The following GAD1 variants were observed in gnomAD, a reference collection of about 807,000 sequenced individuals.
GAD1 encodes the protein 67 kDa glutamic acid decarboxylase.
In GAD1, 35 loss-of-function variants were observed where a neutral mutation model predicts 75.2. That is an observed-to-expected ratio of 0.47 (90% CI 0.36 to 0.62). The LOEUF (loss-of-function observed/expected upper bound fraction) is 0.62, where lower values mean the gene tolerates loss of function less well. Ranked by LOEUF, GAD1 falls within the 20% of genes least tolerant of loss-of-function variation. GAD1 has a pLI of 0.00. For missense variants in GAD1, 490 were observed against 758.5 expected (o/e 0.65, Z 4.16); for synonymous variants, 257 against 271.9 (o/e 0.95, Z 0.54).
At chr2:170,844,261 AC>A (rs1702583715) in intron 7 of GAD1, 104 bp downstream of exon 7, 6 of 737,596 alleles carry the variant, frequency 8.1e-6, no homozygotes, top group Admixed American at 6.1e-5. Flanking sequence ...TTTTTTGGAT[AC>A]CCTGACTTCC....
chr2:170,829,457 C>A lies in GAD1; in HGVS notation c.146-18C>A. 1 of 1,612,314 alleles carries A rather than the reference C, an allele frequency of 6.2e-7. No homozygotes were observed. Among genetic ancestry groups the A allele is most frequent in the South Asian group, 1.1e-5 (1 of 91,002 alleles). ...GGCAGTTTGCAGCACTCTCTCTGAC[C>A]AGCTTCTTGTGCCATAGGCTTCTTG... On this transcript the variant is annotated intron_variant, in intron 3 of 16. Coordinates refer to ENST00000358196, the MANE Select transcript of GAD1 (RefSeq NM_000817.3).
At position 170,853,460 on chromosome 2, in the gene GAD1, C is replaced by A; in HGVS notation, c.1264-413C>A. The A allele has an allele frequency of 3.9e-6, 1 of 257,090 alleles. No individual in the cohort carries two copies. Among genetic ancestry groups the A allele is most frequent in the Non-Finnish European group, 7.7e-6 (1 of 130,172 alleles). 15.9% of individuals were successfully genotyped at this position (257,090 alleles called of 1,614,324 possible). A position where few individuals can be genotyped will look rare whatever the true frequency, so the allele number is the denominator to read the frequency against. Reference sequence around the variant, plus strand: ...ATCCATGTTAATGTCATAGGAGGTCCTGGAAAGGTTGGAAGACTTTTGCCA... The same window carrying A: ...ATCCATGTTAATGTCATAGGAGGTCATGGAAAGGTTGGAAGACTTTTGCCA... On this transcript the variant is annotated intron_variant, in intron 13 of 16. Transcript: ENST00000358196. This position sits in a 1 kb window ranked among gnomAD's most constrained non-coding sequence, Gnocchi z 4.1.
Position 170,860,095 on chromosome 2 carries a change from T to C in GAD1, c.*213T>C, listed in dbSNP as rs1702932013. ...AAAGTTGCACATTAGGAACAGAGTA[T>C]ATATGTACAGTTATACATACCTCTC... is the stretch of plus-strand genomic sequence containing the variant. On this transcript the variant is annotated 3_prime_UTR_variant, in exon 17 of 17. Coordinates refer to ENST00000358196, the MANE Select transcript of GAD1 (RefSeq NM_000817.3). 1 of 577,250 alleles carries C rather than the reference T, an allele frequency of 1.7e-6. No homozygotes were observed. The highest frequency in any genetic ancestry group is 3.1e-6 in the Non-Finnish European group (1 of 322,030). 35.8% of individuals were successfully genotyped at this position (577,250 alleles called of 1,614,324 possible).
In GAD1 at chr2:170,844,084, A is replaced by G; in HGVS notation, c.678A>G (p.Glu226=). Residue 226 remains glutamate (E), a synonymous_variant, in exon 7 of 17, where the codon GAA becomes GAG. Transcript: ENST00000358196. The part of the protein sequence containing the change: ...YEIAPVFVLM[E]QITLKKMREI... ...TTGCACCAGTGTTTGTCCTCATGGA[A>G]CAAATAACACTTAAGAAGATGAGAG... The G allele has an allele frequency of 6.2e-7, 1 of 1,610,790 alleles. No individual in the cohort carries two copies. The highest frequency in any genetic ancestry group is 8.5e-7 in the Non-Finnish European group (1 of 1,176,988).
chr2:170,845,254 C>T (rs16858977), intron 7 of GAD1: 10 of 547,762 alleles, frequency 1.8e-5, no homozygotes, highest in East Asian at 9.8e-5. Context: ...AGGTGGAAAG[C>T]GCACTGAAGT....
At position 170,830,591 on chromosome 2, in the gene GAD1, A is replaced by G. The variant is rs576130885; in HGVS notation, c.305-359A>G. The stretch of plus-strand genomic sequence containing the variant: ...CATCACAACACCAAACCAGATAGAC[A>G]GGGACACACCTGGTCCCAGGGGAGC... On this transcript the variant is annotated intron_variant, in intron 4 of 16. Coordinates refer to ENST00000358196, the MANE Select transcript of GAD1 (RefSeq NM_000817.3). Among the ~76,000 whole-genome samples the G allele has an allele frequency of 2.8e-4, 43 of 152,336 alleles. 1 individual carries two copies. The South Asian group carries it at 8.7e-3, about 31-fold the overall frequency.
In GAD1 at chr2:170,819,479, A is replaced by G. The variant is rs143145030; in HGVS notation, c.82+806A>G. On this transcript the variant is annotated intron_variant, in intron 2 of 16. Coordinates refer to ENST00000358196, the MANE Select transcript of GAD1 (RefSeq NM_000817.3). ...GAGAAAGAAAAGAGACACCAGATAA[A>G]AGAGGGGGGAGGATTTATGCTTCCC... 5.9e-5 allele frequency among the ~76,000 whole-genome samples: 9 copies of G among 152,106 alleles called. No homozygotes were observed. The East Asian group carries it at 1.7e-3, about 29-fold the overall frequency.
chr2:170,858,721 C>G, intron 15 of GAD1, 83 bp from the exon 16 acceptor site: 2 of 1,209,074 alleles, frequency 1.7e-6, no homozygotes, highest in Non-Finnish European at 1.2e-6. Context: ...AAGAGACTTC[C>G]ACCAAGGATG....
intron 11 of GAD1, 96 bp from the exon 12 acceptor site, chr2:170,849,190 T>G: frequency 9.3e-7 from 1 of 1,070,036 alleles, no homozygotes; most frequent in Non-Finnish European, 1.4e-6. Flanking sequence ...CACCTTGTAC[T>G]TTCTTGCTCA....
chr2:170,829,303 C>G (rs1309828911), intron 3 of GAD1, 172 bp from the exon 4 acceptor site: 6 of 713,994 alleles, frequency 8.4e-6, no homozygotes, highest in Non-Finnish European at 1.4e-5. Context: ...CACTGCCCCC[C>G]TCCCTGCCTG....
At chr2:170,836,103 T>C (rs1702364299) in intron 5 of GAD1, among the ~76,000 whole-genome samples, 1 of 151,374 alleles carries the variant, frequency 6.6e-6, no homozygotes, top group South Asian at 2.1e-4. Flanking sequence ...CCGTTTTTGG[T>C]TGTTTTTCTT....
chr2:170,846,088 ACT>A, intron 10 of GAD1, 25 bp downstream of exon 10: 1 of 1,595,728 alleles, frequency 6.3e-7, no homozygotes, highest in East Asian at 2.2e-5. Context: ...GTGCATCTGA[ACT>A]CCAGTTTTAA....
chr2:170,822,844 A>G (rs890450091), intron 3 of GAD1, among the ~76,000 whole-genome samples: 10 of 152,168 alleles, frequency 6.6e-5, no homozygotes, highest in African/African-American at 2.4e-4. Flanking sequence ...CGAGGAGGGA[A>G]GGGAAAGGGG....
chr2:170,830,477 G>A (rs45535131), intron 4 of GAD1, among the ~76,000 whole-genome samples: 17 of 152,194 alleles, frequency 1.1e-4, no homozygotes, highest in Non-Finnish European at 2.1e-4. Context: ...GTTTCCTGTC[G>A]AAGGACACCG....
At position 170,829,559 on chromosome 2, in the gene GAD1, T is replaced by C. The variant is rs764600514; in HGVS notation, c.230T>C (p.Leu77Pro). 2 of 1,614,064 alleles carry C rather than the reference T, an allele frequency of 1.2e-6. No individual in the cohort carries two copies. The highest frequency in any genetic ancestry group is 1.1e-5 in the South Asian group (1 of 91,078). ...GAGAGGCAATCCTCCAAGAACCTGC[T>C]TTCCTGTGAAAACAGCGACCGGGAT... Reference protein sequence around the residue: ...FKERQSSKNLLSCENSDRDAR... With the variant: ...FKERQSSKNLPSCENSDRDAR... Residue 77 changes from leucine (L) to proline (P), a missense_variant, in exon 4 of 17, where the codon CTT becomes CCT. Leu to Pro is a moderately conservative substitution (Grantham distance 98). Coordinates refer to ENST00000358196, the MANE Select transcript of GAD1 (RefSeq NM_000817.3).
upstream of GAD1, among the ~76,000 whole-genome samples, chr2:170,813,768 G>A (rs1701650478): frequency 6.6e-6 from 1 of 152,192 alleles, no homozygotes; most frequent in African/African-American, 2.4e-5. Flanking sequence ...AGGAATAAAG[G>A]GCATTGTGGG....
chr2:170,848,759 C>T (rs1323066891), intron 11 of GAD1: 8 of 518,806 alleles, frequency 1.5e-5, no homozygotes, highest in Admixed American at 3.9e-5. Flanking sequence ...GGCTGTGTCA[C>T]GTGGCATCCC....
Position 170,831,820 on chromosome 2 carries a change from A to T in GAD1, c.547+628A>T, listed in dbSNP as rs993669442. Reference sequence around the variant, plus strand: ...TATAAATATAAATTATATAATATTTATATATATATGAAAATGAGCTGGGCA... The same window carrying T: ...TATAAATATAAATTATATAATATTTTTATATATATGAAAATGAGCTGGGCA... On this transcript the variant is annotated intron_variant, in intron 5 of 16. Transcript: ENST00000358196. Among the ~76,000 whole-genome samples the T allele has an allele frequency of 4.1e-5, 6 of 146,654 alleles. No homozygotes were observed. The South Asian group carries it at 1.3e-3, about 31-fold the overall frequency.
At chr2:170,821,458 T>A (rs1402014426) in intron 2 of GAD1, among the ~76,000 whole-genome samples, 1 of 152,132 alleles carries the variant, frequency 6.6e-6, no homozygotes, top group Non-Finnish European at 1.5e-5. Context: ...GGGCCAGGGA[T>A]GAGGACCTGA....
Sources: allele counts gnomAD v4.1 joint callset (sites outside exome capture counted in the v4.1 genomes callset), GRCh38; gene constraint gnomAD v4.1.1; non-coding constraint Gnocchi (gnomAD v3.1); transcripts MANE v1.5; gene names NCBI Gene and HGNC (gene_info 2026-07-23, HGNC 2026-07-21).